The following VPS53 variants were observed in gnomAD, a reference collection of about 807,000 sequenced individuals.
VPS53 encodes the protein vacuolar protein sorting-associated protein 53 homolog.
Under a neutral mutation model 107.0 loss-of-function variants are expected in VPS53, and 70 were observed. That is an observed-to-expected ratio of 0.65 (90% CI 0.54 to 0.80). VPS53 has a LOEUF of 0.80. Among genes scored for constraint, VPS53 ranks in the 30% least tolerant of loss-of-function variants. VPS53 has a pLI of 0.00. For synonymous variants in VPS53, 409 were observed against 393.3 expected (o/e 1.04, Z -0.47); for missense variants, 917 against 1,049.4 (o/e 0.87, Z 1.74).
At chr17:549,020 A>C (rs191684945) in intron 17 of VPS53, among the ~76,000 whole-genome samples, 17 of 152,242 alleles carry the variant, frequency 1.1e-4, no homozygotes, top group African/African-American at 3.9e-4. Flanking sequence ...CTTATATTAA[A>C]GTTACTGGGT....
At chr17:545,321 A>G (rs1911095671) in intron 17 of VPS53, among the ~76,000 whole-genome samples, 1 of 152,116 alleles carries the variant, frequency 6.6e-6, no homozygotes. Context: ...ACTCAGGGCC[A>G]CACCCCCGCG....
At chr17:591,762 T>C (rs1387147811) in intron 12 of VPS53, among the ~76,000 whole-genome samples, 2 of 152,168 alleles carry the variant, frequency 1.3e-5, no homozygotes, top group East Asian at 3.8e-4. Context: ...TATAATTTCT[T>C]TTACATTTGC....
intron 17 of VPS53, among the ~76,000 whole-genome samples, chr17:542,023 T>C (rs188470604): frequency 3.8e-4 from 56 of 147,428 alleles, no homozygotes; most frequent in African/African-American, 1.3e-3. Flanking sequence ...ATCAAGCACC[T>C]ACCACGCACC....
intron 15 of VPS53, 120 bp downstream of exon 15, chr17:560,306 A>G (rs1206828967): frequency 7.6e-7 from 1 of 1,318,644 alleles, no homozygotes; most frequent in East Asian, 2.5e-5. Context: ...GTGGCAGGCC[A>G]ACTGGTCTGA....
intron 4 of VPS53, chr17:685,185 A>T (rs1041827814): frequency 1.2e-4 from 19 of 152,206 alleles, no homozygotes; most frequent in African/African-American, 4.6e-4. Context: ...CAGGAAGGGA[A>T]GACTGCAGTT....
At chr17:672,020 G>A (rs1363109424) in intron 4 of VPS53, among the ~76,000 whole-genome samples, 1 of 151,400 alleles carries the variant, frequency 6.6e-6, no homozygotes, top group Admixed American at 6.6e-5. Flanking sequence ...GCGGGTGGTA[G>A]GAGTCCCAAG....
chr17:584,915 A>G (rs941276997), intron 13 of VPS53, among the ~76,000 whole-genome samples: 10 of 152,198 alleles, frequency 6.6e-5, no homozygotes, highest in African/African-American at 2.4e-4. Context: ...CAAATAGGGG[A>G]GAGGGAAAAT....
In VPS53 at chr17:645,450, T is replaced by C. The variant is rs544074272; in HGVS notation, c.608+7841A>G. On this transcript the variant is annotated intron_variant, in intron 7 of 21. Transcript: ENST00000437048. ...ATTTGGAAATATTCTTCCCATTCTG[T>C]GCATTGCCATTTTACCCTGCTGATA... Among the ~76,000 whole-genome samples, 17 of 152,378 alleles carry C rather than the reference T, an allele frequency of 1.1e-4. No homozygotes were observed. The South Asian group carries it at 2.9e-3, about 26-fold the overall frequency.
intron 7 of VPS53, among the ~76,000 whole-genome samples, chr17:642,871 CG>C (rs1970490347): frequency 7.1e-6 from 1 of 141,712 alleles, no homozygotes. Flanking sequence ...ACTTGGAAAT[CG>C]AGGACAACAC....
chr17:652,393 G>C (rs147025496), intron 7 of VPS53, among the ~76,000 whole-genome samples: 4 of 152,304 alleles, frequency 2.6e-5, no homozygotes, highest in African/African-American at 7.2e-5. Context: ...GTTAGTGGGT[G>C]GGAGAAGACT....
intron 4 of VPS53, among the ~76,000 whole-genome samples, chr17:681,805 T>C (rs960074245): frequency 6.6e-6 from 1 of 152,182 alleles, no homozygotes; most frequent in Admixed American, 6.5e-5. Context: ...AGACGGCATC[T>C]TCTATGTGTC....
intron 11 of VPS53, among the ~76,000 whole-genome samples, chr17:609,229 T>A (rs1968727106): frequency 6.6e-6 from 1 of 152,172 alleles, no homozygotes. Flanking sequence ...TTTGGGTATT[T>A]CCTATAGATG....
intron 2 of VPS53, chr17:705,888 A>T (rs1408369011): frequency 3.3e-5 from 5 of 152,122 alleles, no homozygotes; most frequent in African/African-American, 1.2e-4. Context: ...CGGGCAAGAG[A>T]GTGAGACCCC....
chr17:543,986 AGAGG>A (rs1158735564), intron 17 of VPS53, among the ~76,000 whole-genome samples: 1 of 65,394 alleles, frequency 1.5e-5, no homozygotes, highest in Non-Finnish European at 2.7e-5. Flanking sequence ...AGGAACGGAG[AGAGG>A]GAGGAAGGGA....
At chr17:533,072 G>A (rs1465082885) in intron 18 of VPS53, 161 bp from the exon 19 acceptor site, 2 of 1,326,476 alleles carry the variant, frequency 1.5e-6, no homozygotes, top group Non-Finnish European at 2.0e-6. Context: ...TCTGAGTGAA[G>A]TCCTGGTTTT....
At chr17:669,760 C>T (rs1382440166) in intron 4 of VPS53, among the ~76,000 whole-genome samples, 4 of 149,238 alleles carry the variant, frequency 2.7e-5, no homozygotes, top group African/African-American at 4.9e-5. Flanking sequence ...GGTGTGGTGG[C>T]GCATGCCTGT....
chr17:632,932 G>C, intron 7 of VPS53: 1 of 373,422 alleles, frequency 2.7e-6, no homozygotes, highest in South Asian at 2.0e-5. Context: ...AGAGCCAAGT[G>C]ACAAAATGAA....
chr17:518,284 C>CGGG lies in VPS53; in HGVS notation c.*841_*843dup, dbSNP rs11397361. 4 of 125,704 alleles carry CGGG rather than the reference C, an allele frequency of 3.2e-5. No individual in the cohort carries two copies. Among genetic ancestry groups the CGGG allele is most frequent in the African/African-American group, 1.1e-4 (4 of 37,578 alleles). 7.8% of individuals were successfully genotyped at this position (125,704 alleles called of 1,614,324 possible). ...GAGAGCCCGCGGTGGACAGGAAGGG[C>CGGG]GGGGGGGGCGGGCAGGCTGCGTGCC... On this transcript the variant is annotated 3_prime_UTR_variant, in exon 22 of 22. Transcript: ENST00000437048.
At chr17:607,511 A>C (rs182183767) in intron 11 of VPS53, among the ~76,000 whole-genome samples, 44 of 152,362 alleles carry the variant, frequency 2.9e-4, no homozygotes, top group African/African-American at 1.0e-3. Context: ...GGGAGCGATC[A>C]CTGGCATAAC....
Sources: allele counts gnomAD v4.1 joint callset (sites outside exome capture counted in the v4.1 genomes callset), GRCh38; gene constraint gnomAD v4.1.1; transcripts MANE v1.5; gene names NCBI Gene and HGNC (gene_info 2026-07-23, HGNC 2026-07-21).